The following ATRN variants were observed in gnomAD, a reference collection of about 807,000 sequenced individuals.
ATRN encodes the protein attractin-2.
ATRN carries 54 observed loss-of-function variants against 178.7 expected under a neutral mutation model. The ratio of observed to expected loss-of-function variants is 0.30; its 90% CI spans 0.24 to 0.38. The LOEUF is 0.38. Among genes scored for constraint, ATRN ranks in the 10% least tolerant of loss-of-function variants. ATRN has a pLI of 1.00. For synonymous variants in ATRN, 636 were observed against 663.0 expected (o/e 0.96, Z 0.63); for missense variants, 1,443 against 1,815.1 (o/e 0.79, Z 3.73).
At chr20:3,518,989 A>G (rs2085245211) in intron 1 of ATRN, among the ~76,000 whole-genome samples, 1 of 142,212 alleles carries the variant, frequency 7.0e-6, no homozygotes, top group Admixed American at 7.1e-5. Flanking sequence ...TAGTGCTTCA[A>G]TAAACATCCT....
chr20:3,531,906 A>G (rs1273044820), intron 1 of ATRN, among the ~76,000 whole-genome samples: 1 of 152,188 alleles, frequency 6.6e-6, no homozygotes, highest in Non-Finnish European at 1.5e-5. Context: ...AACATTTAAA[A>G]TAAAACTGAC....
In ATRN at chr20:3,598,024, A is replaced by G. The variant is rs773726769; in HGVS notation, c.3564+24A>G. ...AAGTAAGATTTTTTAAAGTCTTCCT[A>G]TTTTGTTTTGAATTTGTATGGATCT... On this transcript the variant is annotated intron_variant, in intron 22 of 28. Coordinates refer to ENST00000262919, the MANE Select transcript of ATRN (RefSeq NM_139321.3). The G allele has an allele frequency of 1.1e-5, 17 of 1,496,358 alleles. No homozygotes were observed. The East Asian group carries it at 3.6e-4, about 32-fold the overall frequency. 92.7% of individuals were successfully genotyped at this position (1,496,358 alleles called of 1,614,324 possible).
chr20:3,644,309 G>A, intron 28 of ATRN, 41 bp downstream of exon 28: 1 of 1,502,332 alleles, frequency 6.7e-7, no homozygotes, highest in Non-Finnish European at 9.3e-7. Context: ...TTCTAAGCAT[G>A]TGAGGGAGCT....
intron 24 of ATRN, among the ~76,000 whole-genome samples, chr20:3,606,091 G>C (rs1016175358): frequency 6.6e-6 from 1 of 152,052 alleles, no homozygotes; most frequent in African/African-American, 2.4e-5. Context: ...CCTCTCATCA[G>C]CTTCTCCCTT....
intron 24 of ATRN, among the ~76,000 whole-genome samples, chr20:3,613,442 A>T (rs670717): frequency 0.72 from 109,260 of 152,040 alleles, 40,023 homozygotes; most frequent in East Asian, 0.99. Context: ...CATGTTCTCA[A>T]CAAGGGCTGC....
chr20:3,539,878 C>A (rs2085594189), intron 2 of ATRN, among the ~76,000 whole-genome samples: 1 of 151,940 alleles, frequency 6.6e-6, no homozygotes, highest in Non-Finnish European at 1.5e-5. Flanking sequence ...AGAGGATTGG[C>A]AGGCATGTTT....
chr20:3,535,921 C>T (rs972378173), intron 2 of ATRN, among the ~76,000 whole-genome samples: 28 of 152,010 alleles, frequency 1.8e-4, no homozygotes, highest in Non-Finnish European at 3.1e-4. Flanking sequence ...TGAGCCACTG[C>T]GCCCAGCCAC....
At chr20:3,628,852 A>G in intron 25 of ATRN, 3 of 977,654 alleles carry the variant, frequency 3.1e-6, no homozygotes, top group Non-Finnish European at 3.6e-6. Context: ...TAGCCTGCCT[A>G]TTATGCAATC....
intron 25 of ATRN, among the ~76,000 whole-genome samples, chr20:3,630,248 T>C (rs770650416): frequency 3.9e-5 from 6 of 152,238 alleles, no homozygotes; most frequent in Admixed American, 1.3e-4. Context: ...TTATTTTTCA[T>C]CGTGGTATTC....
intron 2 of ATRN, among the ~76,000 whole-genome samples, chr20:3,537,459 G>A (rs1314617890): frequency 6.6e-6 from 1 of 151,200 alleles, no homozygotes; most frequent in African/African-American, 2.4e-5. Context: ...CTTCTATTAA[G>A]CAAAAGAAGT....
intron 23 of ATRN, 50 bp from the exon 24 acceptor site, chr20:3,604,055 C>T (rs755070462): frequency 6.6e-7 from 1 of 1,503,976 alleles, no homozygotes; most frequent in Non-Finnish European, 8.9e-7. Context: ...CTGTTCTCCC[C>T]CTAGCCCCCC....
chr20:3,501,192 G>A (rs767006284), intron 1 of ATRN, among the ~76,000 whole-genome samples: 2 of 152,172 alleles, frequency 1.3e-5, no homozygotes, highest in Non-Finnish European at 2.9e-5. Context: ...GGATTTTGGT[G>A]TGGAAAAGAG....
At chr20:3,548,389 C>T (rs1036267464) in intron 5 of ATRN, among the ~76,000 whole-genome samples, 4 of 152,056 alleles carry the variant, frequency 2.6e-5, no homozygotes, top group Admixed American at 6.5e-5. Context: ...TCACTGAGGT[C>T]AGGAGTTCGA....
At position 3,638,498 on chromosome 20, in the gene ATRN, A is replaced by C. The variant is rs1001914877; in HGVS notation, c.3943-330A>C. Among the ~76,000 whole-genome samples, 2 of 152,216 alleles carry C rather than the reference A, an allele frequency of 1.3e-5. No individual in the cohort carries two copies. Among genetic ancestry groups the C allele is most frequent in the Non-Finnish European group, 2.9e-5 (2 of 68,046 alleles). Reference sequence around the variant, plus strand: ...ATGGCCGCATAGTATTCCATGGTGTATATGTGCCATGTTTTCTTTATCCAG... The same window carrying C: ...ATGGCCGCATAGTATTCCATGGTGTCTATGTGCCATGTTTTCTTTATCCAG... On this transcript the variant is annotated intron_variant, in intron 26 of 28. Coordinates refer to ENST00000262919, the MANE Select transcript of ATRN (RefSeq NM_139321.3). The surrounding 1 kb of genome is among the most constrained non-coding windows in gnomAD (Gnocchi z 4.5).
At chr20:3,528,548 C>G (rs2085406275) in intron 1 of ATRN, among the ~76,000 whole-genome samples, 1 of 152,008 alleles carries the variant, frequency 6.6e-6, no homozygotes, top group Non-Finnish European at 1.5e-5. Flanking sequence ...ATTGAGTACA[C>G]ATGGACACAA....
At chr20:3,620,653 A>G (rs370210556) in intron 24 of ATRN, among the ~76,000 whole-genome samples, 76 of 152,306 alleles carry the variant, frequency 5.0e-4, no homozygotes, top group Non-Finnish European at 9.1e-4. Context: ...ATAGGGCCTG[A>G]GATTCTGACT....
At chr20:3,545,305 A>C (rs1047131146) in intron 3 of ATRN, among the ~76,000 whole-genome samples, 2 of 148,040 alleles carry the variant, frequency 1.4e-5, no homozygotes, top group African/African-American at 4.9e-5. Context: ...GGACGCAGAG[A>C]TTGTACTGAG....
intron 2 of ATRN, among the ~76,000 whole-genome samples, chr20:3,537,463 A>C (rs2085552289): frequency 6.6e-6 from 1 of 151,704 alleles, no homozygotes; most frequent in African/African-American, 2.4e-5. Flanking sequence ...TATTAAGCAA[A>C]AGAAGTGTTT....
intron 19 of ATRN, 141 bp downstream of exon 19, chr20:3,591,447 A>G: frequency 9.1e-7 from 1 of 1,097,604 alleles, no homozygotes; most frequent in Non-Finnish European, 1.3e-6. Flanking sequence ...TCAGAAGCTC[A>G]GCTGAGCTGG....
Sources: allele counts gnomAD v4.1 joint callset (sites outside exome capture counted in the v4.1 genomes callset), GRCh38; gene constraint gnomAD v4.1.1; non-coding constraint Gnocchi (gnomAD v3.1); transcripts MANE v1.5; gene names NCBI Gene and HGNC (gene_info 2026-07-23, HGNC 2026-07-21).